The following SLC35F4 variants were observed in gnomAD, a reference collection of about 807,000 sequenced individuals.
The protein encoded by SLC35F4 is solute carrier family 35 member F4, also known as chromosome 14 open reading frame 36.
SLC35F4 carries 24 observed loss-of-function variants against 44.2 expected under a neutral mutation model. That is an observed-to-expected ratio of 0.54 (90% CI 0.39 to 0.76). SLC35F4 has a LOEUF of 0.76. Ranked by LOEUF, SLC35F4 falls within the 30% of genes least tolerant of loss-of-function variation. SLC35F4 has a pLI of 0.00. For synonymous variants in SLC35F4, 238 were observed against 223.6 expected (o/e 1.06, Z -0.57); for missense variants, 562 against 586.1 (o/e 0.96, Z 0.42).
chr14:57,746,198 C>T (rs75745458), intron 1 of SLC35F4, among the ~76,000 whole-genome samples: 27,872 of 151,574 alleles, frequency 0.18, 2,885 homozygotes, highest in South Asian at 0.28. Flanking sequence ...CAAACCTGCA[C>T]GTTGTGCACA....
intron 1 of SLC35F4, among the ~76,000 whole-genome samples, chr14:57,915,385 C>T (rs1889303253): frequency 1.3e-5 from 2 of 152,162 alleles, no homozygotes; most frequent in African/African-American, 4.8e-5. Context: ...TGGCCACACC[C>T]TTAATTTTCC....
chr14:57,778,107 T>C (rs1370302365), intron 1 of SLC35F4, among the ~76,000 whole-genome samples: 1 of 152,168 alleles, frequency 6.6e-6, no homozygotes, highest in Non-Finnish European at 1.5e-5. Context: ...TAACAAGATC[T>C]GATGGTTTTT....
chr14:57,800,277 A>G (rs1168881592), intron 1 of SLC35F4, among the ~76,000 whole-genome samples: 1 of 152,158 alleles, frequency 6.6e-6, no homozygotes, highest in Non-Finnish European at 1.5e-5. Flanking sequence ...CCTGCAGTAG[A>G]GTGGCCTGAC....
At chr14:57,713,303 C>G (rs187493759) in intron 1 of SLC35F4, among the ~76,000 whole-genome samples, 31 of 152,228 alleles carry the variant, frequency 2.0e-4, no homozygotes, top group African/African-American at 7.0e-4. Flanking sequence ...CTTTCTTTCC[C>G]ATTAAAACCC....
intron 1 of SLC35F4, among the ~76,000 whole-genome samples, chr14:57,607,057 TAA>T (rs2071204881): frequency 6.6e-6 from 1 of 152,164 alleles, no homozygotes. Context: ...GCAATTTCTA[TAA>T]AGAGTGCTAA....
chr14:57,973,902 A>C (rs775185417), downstream of SLC35F4, among the ~76,000 whole-genome samples: 2 of 151,586 alleles, frequency 1.3e-5, no homozygotes, highest in Non-Finnish European at 2.9e-5. Flanking sequence ...AAACTGCCCC[A>C]CCACACCCTC....
intron 1 of SLC35F4, among the ~76,000 whole-genome samples, chr14:57,681,638 C>A (rs1407264698): frequency 1.3e-5 from 2 of 151,974 alleles, no homozygotes; most frequent in Admixed American, 6.6e-5. Flanking sequence ...GCAACAAAAG[C>A]CAAAATTGAC....
intron 1 of SLC35F4, among the ~76,000 whole-genome samples, chr14:57,657,397 G>A (rs1340669152): frequency 6.6e-6 from 1 of 152,142 alleles, no homozygotes; most frequent in Non-Finnish European, 1.5e-5. Flanking sequence ...CTCATGCTAT[G>A]GGTCTATTTA....
chr14:57,905,471 G>C (rs1288546427), intron 1 of SLC35F4, among the ~76,000 whole-genome samples: 1 of 152,230 alleles, frequency 6.6e-6, no homozygotes, highest in African/African-American at 2.4e-5. Context: ...ATCTGCAGGG[G>C]AATCTTGGAG....
At chr14:57,781,940 G>A (rs1297996755) in intron 1 of SLC35F4, among the ~76,000 whole-genome samples, 2 of 152,052 alleles carry the variant, frequency 1.3e-5, no homozygotes, top group Middle Eastern at 3.2e-3. Context: ...AGGGAGAAGA[G>A]CAGAAAAAAT....
intron 1 of SLC35F4, among the ~76,000 whole-genome samples, chr14:57,709,839 C>T (rs2075773812): frequency 6.6e-6 from 1 of 152,140 alleles, no homozygotes; most frequent in Non-Finnish European, 1.5e-5. Context: ...CAGTTTTATG[C>T]ATTCACAAAG....
chr14:57,874,157 A>T (rs143051452), intron 1 of SLC35F4, among the ~76,000 whole-genome samples: 2 of 151,300 alleles, frequency 1.3e-5, no homozygotes, highest in Admixed American at 1.3e-4. Context: ...GACTACTACT[A>T]CTCCTCCCTC....
intron 1 of SLC35F4, among the ~76,000 whole-genome samples, chr14:57,719,804 T>G (rs555295929): frequency 9.5e-4 from 144 of 152,260 alleles, no homozygotes; most frequent in African/African-American, 3.3e-3. Context: ...ACCCTTTATT[T>G]TTTTCTCTTG....
chr14:57,581,147 G>A, intron 4 of SLC35F4, 67 bp downstream of exon 4: 1 of 1,415,084 alleles, frequency 7.1e-7, no homozygotes. Context: ...AAAGCAGACA[G>A]GCTCTCCTGA....
In SLC35F4 at chr14:57,700,913, CAAAA is replaced by C. The variant is rs533535275; in HGVS notation, c.104-106793_104-106790del. On this transcript the variant is annotated intron_variant, in intron 1 of 7. Coordinates refer to ENST00000556826, the MANE Select transcript of SLC35F4 (RefSeq NM_001306087.2). ...AGAGTGAGACCCTGTGTCAAACAAA[CAAAA>C]AAGCCCCCCAAAAACAACAAAAAAT... 1.4e-3 allele frequency among the ~76,000 whole-genome samples: 213 copies of C among 152,154 alleles called. 1 individual carries two copies. The highest frequency in any genetic ancestry group is 4.8e-3 in the African/African-American group (198 of 41,532).
chr14:57,598,668 C>T (rs987673809), intron 1 of SLC35F4, among the ~76,000 whole-genome samples: 1 of 152,154 alleles, frequency 6.6e-6, no homozygotes, highest in African/African-American at 2.4e-5. Flanking sequence ...AGCTATCATT[C>T]AAACAAAGGC....
chr14:57,806,947 A>G (rs1881396436), intron 1 of SLC35F4, among the ~76,000 whole-genome samples: 1 of 152,220 alleles, frequency 6.6e-6, no homozygotes, highest in African/African-American at 2.4e-5. Flanking sequence ...CAAAAATGTG[A>G]CATGCAATCC....
chr14:57,813,665 A>C (rs1316919456), intron 1 of SLC35F4, among the ~76,000 whole-genome samples: 1 of 152,238 alleles, frequency 6.6e-6, no homozygotes, highest in East Asian at 1.9e-4. Context: ...AAAAGCATTA[A>C]TACTTATAAA....
intron 3 of SLC35F4, among the ~76,000 whole-genome samples, chr14:57,583,840 T>G (rs538337872): frequency 4.6e-4 from 70 of 152,150 alleles, no homozygotes; most frequent in Non-Finnish European, 8.7e-4. Context: ...AAAAAAAATA[T>G]GGATTTTTAT....
Sources: gnomAD v4.1 joint callset for allele counts (sites outside exome capture counted in the v4.1 genomes callset) on GRCh38, gnomAD v4.1.1 for gene constraint, MANE v1.5 for transcripts, NCBI Gene and HGNC (gene_info 2026-07-23, HGNC 2026-07-21) for gene names.